DLGAP5: variants seen among roughly 807,000 people sequenced by gnomAD.
The protein encoded by DLGAP5 is disks large-associated protein 5.
In DLGAP5, 90 loss-of-function variants were observed where a neutral mutation model predicts 99.6. The ratio of observed to expected loss-of-function variants is 0.90; its 90% confidence interval spans 0.76 to 1.08. The LOEUF (loss-of-function observed/expected upper bound fraction) is 1.08. Among genes scored for constraint, DLGAP5 ranks in the 50% least tolerant of loss-of-function variants. DLGAP5 has a pLI of 0.00. For synonymous variants in DLGAP5, 311 were observed against 321.3 expected (o/e 0.97, Z 0.34); for missense variants, 1,036 against 983.5 (o/e 1.05, Z -0.71).
At chr14:55,179,767 G>A in intron 6 of DLGAP5, 68 bp from the exon 7 acceptor site, 2 of 1,271,260 alleles carry the variant, frequency 1.6e-6, no homozygotes, top group Non-Finnish European at 2.2e-6. Flanking sequence ...GGTAACTTGG[G>A]AAAGGAAAAG....
In DLGAP5 at chr14:55,169,576, A is replaced by AT. The variant is rs1305552688; in HGVS notation, c.1388-18dup. The AT allele has an allele frequency of 8.3e-6, 13 of 1,561,006 alleles. No individual in the cohort carries two copies. The highest frequency in any genetic ancestry group is 1.4e-5 in the African/African-American group (1 of 71,992). On this transcript the variant is annotated splice_polypyrimidine_tract_variant and intron_variant, in intron 11 of 18. Transcript: ENST00000247191. ...GATCTTTAGCTGAAGGAAATAAGAG[A>AT]TTTTTTAAAATTAAAGGACAAAACG...
intron 15 of DLGAP5, among the ~76,000 whole-genome samples, chr14:55,154,296 T>C (rs1381393450): frequency 6.6e-6 from 1 of 152,192 alleles, no homozygotes; most frequent in South Asian, 2.1e-4. Flanking sequence ...CAAAGTTGCA[T>C]AGCTAGTAAG....
In DLGAP5 at chr14:55,151,764, T is replaced by C. The variant is rs1192894013; in HGVS notation, c.2299A>G (p.Ser767Gly). 2 of 1,613,876 alleles carry C rather than the reference T, an allele frequency of 1.2e-6. No individual in the cohort carries two copies. Among genetic ancestry groups the C allele is most frequent in the Admixed American group, 1.7e-5 (1 of 60,004 alleles). The change falls in exon 17 of 19, where the codon AGC becomes GGC. Residue 767 changes from serine (S) to glycine (G), a missense_variant. Coordinates refer to ENST00000247191, the MANE Select transcript of DLGAP5 (RefSeq NM_014750.5). ...SITSQDVLMS[S>G]PEKNTASQNS... The stretch of plus-strand genomic sequence containing the variant: ...TGTGAAGCTGTATTTTTTTCAGGGC[T>C]ACTCATCAAAACATCCTGTGATGTA...
chr14:55,162,949 G>A (rs1882500564), intron 13 of DLGAP5, 22 bp downstream of exon 13: 2 of 1,377,686 alleles, frequency 1.5e-6, no homozygotes, highest in Non-Finnish European at 9.8e-7. Context: ...AAAAAAATTG[G>A]ATATAAAACC....
chr14:55,175,922 A>G lies in DLGAP5; in HGVS notation c.1146T>C (p.Pro382=). The G allele has an allele frequency of 1.9e-6, 3 of 1,607,308 alleles. No individual in the cohort carries two copies. The African/African-American group carries it at 4.0e-5, about 21-fold the overall frequency. Residue 382 remains proline, a synonymous_variant, in exon 9 of 19, where the codon CCT becomes CCC. Transcript: ENST00000247191. ...IQQDSNKLPC[P]LGPLTVWHEE... ...CATGCCAAACAGTTAGAGGACCCAA[A>G]GGACATGGCAATTTATTTGAATCTT...
At chr14:55,180,889 G>A (rs1299400267) in intron 5 of DLGAP5, 111 bp from the exon 6 acceptor site, 1 of 1,381,226 alleles carries the variant, frequency 7.2e-7, no homozygotes, top group Non-Finnish European at 1.0e-6. Flanking sequence ...TTGGGAGGCA[G>A]GAGGATTACT....
chr14:55,154,167 A>G (rs190643267), intron 15 of DLGAP5, among the ~76,000 whole-genome samples: 12 of 152,240 alleles, frequency 7.9e-5, no homozygotes, highest in African/African-American at 2.6e-4. Flanking sequence ...AAACAATCTC[A>G]AGGTACTTTC....
chr14:55,190,291 C>CACACACACACACACACACACACACAA (rs1273878306), intron 1 of DLGAP5, among the ~76,000 whole-genome samples: 14 of 144,032 alleles, frequency 9.7e-5, no homozygotes, highest in African/African-American at 3.3e-4. Context: ...AAAAGCCATA[C>CACACACACACACACACACACACACAA]ACACACACAC....
chr14:55,181,429 A>AC (rs1263235645), intron 4 of DLGAP5, 132 bp from the exon 5 acceptor site: 2 of 606,466 alleles, frequency 3.3e-6, no homozygotes, highest in Non-Finnish European at 5.4e-6. Flanking sequence ...ACAAAAAACT[A>AC]CCCCAAATAA....
intron 15 of DLGAP5, among the ~76,000 whole-genome samples, chr14:55,153,397 T>C (rs971570227): frequency 6.6e-6 from 1 of 151,814 alleles, no homozygotes; most frequent in Non-Finnish European, 1.5e-5. Flanking sequence ...AAAAATTAGC[T>C]GGGCGTGGTG....
At chr14:55,182,563 T>A in intron 3 of DLGAP5, 131 bp from the exon 4 acceptor site, 1 of 616,098 alleles carries the variant, frequency 1.6e-6, no homozygotes, top group Non-Finnish European at 2.6e-6. Context: ...AAAAAGATAC[T>A]TAAATTCCTT....
At chr14:55,162,748 A>C (rs531387233) in intron 13 of DLGAP5, among the ~76,000 whole-genome samples, 1 of 152,294 alleles carries the variant, frequency 6.6e-6, no homozygotes, top group South Asian at 2.1e-4. Flanking sequence ...TAACTATCCT[A>C]AATTTTATGT....
intron 8 of DLGAP5, 98 bp downstream of exon 8, chr14:55,176,964 C>T (rs1009624144): frequency 1.6e-5 from 16 of 1,023,968 alleles, no homozygotes; most frequent in Admixed American, 1.1e-4. Context: ...GGCGACAGAG[C>T]GAACTCCGTC....
chr14:55,161,823 A>G, intron 13 of DLGAP5, among the ~76,000 whole-genome samples: 1 of 141,078 alleles, frequency 7.1e-6, no homozygotes. Flanking sequence ...GTGGTGAACC[A>G]AGGTCACGCC....
At chr14:55,153,973 T>C (rs1882112672) in intron 15 of DLGAP5, among the ~76,000 whole-genome samples, 1 of 152,028 alleles carries the variant, frequency 6.6e-6, no homozygotes, top group African/African-American at 2.4e-5. Context: ...GAAGAATCGC[T>C]TGAACCCAGG....
chr14:55,181,087 C>T (rs1883256653), intron 5 of DLGAP5, 126 bp downstream of exon 5: 2 of 954,986 alleles, frequency 2.1e-6, no homozygotes, highest in Non-Finnish European at 3.1e-6. Context: ...TGCACTCCAA[C>T]CTGGGCAACA....
Position 55,175,374 on chromosome 14 carries a change from G to A in DLGAP5, c.1273C>T (p.Gln425Ter). The A allele has an allele frequency of 6.2e-7, 1 of 1,610,282 alleles. No homozygotes were observed. Among genetic ancestry groups the A allele is most frequent in the Non-Finnish European group, 8.5e-7 (1 of 1,178,834 alleles). Residue 425 changes from glutamine to a stop codon, truncating the protein, a stop_gained, in exon 10 of 19, where the codon CAG (glutamine) becomes TAG (stop). Transcript: ENST00000247191. LOFTEE classifies it high-confidence loss of function. ...SLERNEGRIA[Q>*]PHHGVPYFRN... ...AAATATGGCACACCATGGTGGGGCTGAGCAATTCGACCTTCATTTCTTTCA... is the reference window on the plus strand; with the variant it reads ...AAATATGGCACACCATGGTGGGGCTAAGCAATTCGACCTTCATTTCTTTCA...
chr14:55,171,288 A>G (rs927614662), intron 10 of DLGAP5, among the ~76,000 whole-genome samples: 4 of 152,152 alleles, frequency 2.6e-5, no homozygotes, highest in African/African-American at 7.2e-5. Flanking sequence ...TCTAGGGAAC[A>G]TTTGGTGGTG....
At chr14:55,149,689 TGTAAACCA>T (rs1157236733) in intron 18 of DLGAP5, among the ~76,000 whole-genome samples, 1 of 152,116 alleles carries the variant, frequency 6.6e-6, no homozygotes, top group Non-Finnish European at 1.5e-5. Flanking sequence ...TAACCACAGG[TGTAAACCA>T]TAAGAATCAC....
Sources: gnomAD v4.1 joint callset for allele counts (sites outside exome capture counted in the v4.1 genomes callset) on GRCh38, gnomAD v4.1.1 for gene constraint, MANE v1.5 for transcripts, NCBI Gene and HGNC (gene_info 2026-07-23, HGNC 2026-07-21) for gene names.